RAB38: variants seen among roughly 807,000 people sequenced by gnomAD.
RAB38 encodes the protein ras-related protein Rab-38.
A neutral mutation model predicts 18.4 loss-of-function variants in RAB38; 15 were observed. The observed-to-expected ratio is 0.82, with a 90% CI of 0.55 to 1.26. RAB38 has a LOEUF of 1.26. Among genes scored for constraint, RAB38 ranks in the 50% most tolerant of loss-of-function variants. RAB38 has a pLI of 0.00. For synonymous variants in RAB38, 101 were observed against 104.4 expected, an observed-to-expected ratio of 0.97 and a Z score of 0.20; for missense variants, 294 against 267.4, an observed-to-expected ratio of 1.10 and a Z score of -0.69.
intron 2 of RAB38, among the ~76,000 whole-genome samples, chr11:88,148,199 A>G (rs753793121): frequency 4.6e-5 from 7 of 152,204 alleles, no homozygotes; most frequent in Non-Finnish European, 1.0e-4. Flanking sequence ...CTGAGCAATA[A>G]CAACTTTCCA....
At chr11:87,963,134 T>C in the RAB38 span, among the ~76,000 whole-genome samples, 5 of 152,258 alleles carry the variant, frequency 3.3e-5, no homozygotes, top group African/African-American at 1.2e-4. Flanking sequence ...ATATTAGTGT[T>C]ATAAAAACTG....
chr11:87,822,069 T>C, the RAB38 span, among the ~76,000 whole-genome samples: 1 of 149,316 alleles, frequency 6.7e-6, no homozygotes, highest in Non-Finnish European at 1.5e-5. Context: ...AAAGTTGAAA[T>C]AAAACACATT....
In RAB38 at chr11:88,130,517, A is replaced by G. The variant is rs1942753716; in HGVS notation, c.484-16377T>C. 2.0e-5 allele frequency among the ~76,000 whole-genome samples: 3 copies of G among 152,364 alleles called. 1 individual carries two copies. In the South Asian group the frequency reaches 6.2e-4, roughly 32 times the overall value. ...CAGACTGTGGACACAGAGAATGGAG[A>G]TATAAACACAATAAACTAACTTCAT... On this transcript the variant is annotated intron_variant, in intron 2 of 2. Transcript: ENST00000243662.
the RAB38 span, among the ~76,000 whole-genome samples, chr11:87,887,266 A>G: frequency 2.6e-5 from 4 of 151,940 alleles, no homozygotes; most frequent in Admixed American, 1.3e-4. Flanking sequence ...GCCTGACCTC[A>G]CTGTGCTGTA....
At chr11:88,053,361 A>G in the RAB38 span, among the ~76,000 whole-genome samples, 1 of 65,928 alleles carries the variant, frequency 1.5e-5, no homozygotes, top group Non-Finnish European at 3.8e-5. Flanking sequence ...ATACACACAC[A>G]TATATATGGA....
At chr11:87,901,237 G>A in the RAB38 span, among the ~76,000 whole-genome samples, 1 of 151,500 alleles carries the variant, frequency 6.6e-6, no homozygotes, top group Admixed American at 6.6e-5. Flanking sequence ...CTGCAGACTA[G>A]TTCCAGAGCA....
chr11:87,947,420 T>C, the RAB38 span, among the ~76,000 whole-genome samples: 1 of 152,252 alleles, frequency 6.6e-6, no homozygotes, highest in Non-Finnish European at 1.5e-5. Context: ...ATTTTGGCTT[T>C]GGTTGCCATT....
the RAB38 span, among the ~76,000 whole-genome samples, chr11:87,933,005 A>G: frequency 1.3e-5 from 2 of 152,094 alleles, no homozygotes; most frequent in African/African-American, 2.4e-5. Context: ...AGCCCTATCA[A>G]TGACCTTAAA....
At chr11:87,958,362 A>T in the RAB38 span, among the ~76,000 whole-genome samples, 2 of 152,210 alleles carry the variant, frequency 1.3e-5, no homozygotes, top group African/African-American at 4.8e-5. Context: ...CCAAGTTAAG[A>T]AGCATCTACC....
chr11:87,840,491 C>T, the RAB38 span, among the ~76,000 whole-genome samples: 1 of 152,166 alleles, frequency 6.6e-6, no homozygotes, highest in South Asian at 2.1e-4. Flanking sequence ...CCTTTTCATC[C>T]AGGGTAACAC....
At chr11:88,036,857 T>C in the RAB38 span, among the ~76,000 whole-genome samples, 12 of 152,204 alleles carry the variant, frequency 7.9e-5, no homozygotes, top group Admixed American at 2.0e-4. Flanking sequence ...GGTTTGGTGA[T>C]GATGTATTAT....
At chr11:87,872,603 C>T in the RAB38 span, among the ~76,000 whole-genome samples, 1 of 151,590 alleles carries the variant, frequency 6.6e-6, no homozygotes, top group South Asian at 2.1e-4. Context: ...CCTATTCATT[C>T]CTCCCTGCCC....
the RAB38 span, among the ~76,000 whole-genome samples, chr11:87,805,282 CTA>C: frequency 2.0e-5 from 3 of 152,090 alleles, no homozygotes; most frequent in African/African-American, 7.2e-5. Flanking sequence ...CTATGGACAT[CTA>C]TGTTTATACA....
At chr11:88,112,324 T>C (rs935781506), downstream of RAB38, among the ~76,000 whole-genome samples, 2 of 152,202 alleles carry the variant, frequency 1.3e-5, no homozygotes, top group Non-Finnish European at 2.9e-5. Context: ...GGGCAGAACT[T>C]GATATGGGCA....
the RAB38 span, among the ~76,000 whole-genome samples, chr11:87,945,495 A>C: frequency 6.6e-6 from 1 of 152,178 alleles, no homozygotes; most frequent in African/African-American, 2.4e-5. Flanking sequence ...TTGGAAGGGT[A>C]GAAAACAGAG....
the RAB38 span, among the ~76,000 whole-genome samples, chr11:87,882,596 A>C: frequency 6.6e-6 from 1 of 151,892 alleles, no homozygotes; most frequent in Non-Finnish European, 1.5e-5. Context: ...CAAACTGAAT[A>C]AGTTAGTTCC....
the RAB38 span, among the ~76,000 whole-genome samples, chr11:87,927,989 G>C: frequency 6.6e-6 from 1 of 151,842 alleles, no homozygotes; most frequent in African/African-American, 2.4e-5. Flanking sequence ...GAGGTGGGAG[G>C]ATTGCTTGAG....
At chr11:88,060,681 T>A in the RAB38 span, among the ~76,000 whole-genome samples, 1 of 152,204 alleles carries the variant, frequency 6.6e-6, no homozygotes, top group Non-Finnish European at 1.5e-5. Flanking sequence ...TTGTTGTTTG[T>A]ATACCCTATA....
intron 2 of RAB38, among the ~76,000 whole-genome samples, chr11:88,137,991 A>G (rs1264895059): frequency 6.6e-6 from 1 of 152,246 alleles, no homozygotes; most frequent in Non-Finnish European, 1.5e-5. Flanking sequence ...ATGTATTTGA[A>G]GATATCAAGT....
Sources: gnomAD v4.1 joint callset for allele counts (sites outside exome capture counted in the v4.1 genomes callset) on GRCh38, gnomAD v4.1.1 for gene constraint, MANE v1.5 for transcripts, NCBI Gene and HGNC (gene_info 2026-07-23, HGNC 2026-07-21) for gene names.